AHSG: variants seen among roughly 807,000 people sequenced by gnomAD.
AHSG encodes alpha 2-HS glycoprotein, also known as alpha-2-HS-glycoprotein.
In AHSG, 23 loss-of-function variants were observed where a neutral mutation model predicts 30.1. The observed-to-expected ratio is 0.76, with a 90% confidence interval of 0.55 to 1.08. The LOEUF (loss-of-function observed/expected upper bound fraction) is 1.08, where lower values mean the gene tolerates loss of function less well. Ranked by LOEUF, AHSG falls within the 50% of genes least tolerant of loss-of-function variation. The probability of loss-of-function intolerance (pLI) is 0.00; values close to 1 mark genes in which losing one functional copy is unlikely to be tolerated. For missense variants in AHSG, 469 were observed against 459.5 expected, an observed-to-expected ratio of 1.02 and a Z score of -0.19; for synonymous variants, 164 against 186.3, an observed-to-expected ratio of 0.88 and a Z score of 0.98.
Position 186,617,210 on chromosome 3 carries a change from G to C in AHSG, c.433G>C (p.Val145Leu). 1 of 1,613,272 alleles carries C rather than the reference G, an allele frequency of 6.2e-7. No homozygotes were observed. Among genetic ancestry groups the C allele is most frequent in the Non-Finnish European group, 8.5e-7 (1 of 1,179,832 alleles). ...SPDSAEDVRK[V>L]CQDCPLLAPL... ...AGACTCAGCCGAGGACGTGCGCAAG[G>C]TGTGCCAAGACTGCCCCCTGCTGGC... The change falls in exon 4 of 7, where the codon GTG becomes CTG. Residue 145 changes from valine to leucine, a missense_variant. Val to Leu is a conservative substitution (Grantham distance 32). Coordinates refer to ENST00000411641, the MANE Select transcript of AHSG (RefSeq NM_001622.4).
intron 2 of AHSG, among the ~76,000 whole-genome samples, chr3:186,616,189 C>T (rs1028132719): frequency 2.0e-5 from 3 of 152,164 alleles, no homozygotes; most frequent in Non-Finnish European, 4.4e-5. Flanking sequence ...AACAGTGAAT[C>T]TCTATCTCGA....
intron 1 of AHSG, 125 bp downstream of exon 1, chr3:186,613,479 C>CTCACTCCTGGGA: frequency 1.1e-6 from 1 of 948,214 alleles, no homozygotes; most frequent in Non-Finnish European, 1.6e-6. Context: ...GATTTCTTCC[C>CTCACTCCTGGGA]AGGAGTGAGG....
chr3:186,619,793 A>G (rs974027886), intron 5 of AHSG, 64 bp from the exon 6 acceptor site: 5 of 1,365,634 alleles, frequency 3.7e-6, no homozygotes, highest in Non-Finnish European at 4.1e-6. Flanking sequence ...TTGGCGCGTC[A>G]ATGAAATTGG....
At chr3:186,620,437 T>G in intron 6 of AHSG, 149 bp from the exon 7 acceptor site, 1 of 713,188 alleles carries the variant, frequency 1.4e-6, no homozygotes, top group South Asian at 1.8e-5. Context: ...GACAATCCCT[T>G]GTACTTGGGT....
At chr3:186,618,170 T>C (rs113740045) in intron 4 of AHSG, among the ~76,000 whole-genome samples, 1,881 of 152,324 alleles carry the variant, frequency 0.012, 21 homozygotes, top group Middle Eastern at 0.031. Context: ...AACCTGAACC[T>C]TGGGTATCAA....
Position 186,616,446 on chromosome 3 carries a change from G to T in AHSG, c.328G>T (p.Val110Phe). The change falls in exon 3 of 7, where the codon GTC (valine) becomes TTC (phenylalanine). Residue 110 changes from valine to phenylalanine, a missense_variant. Physicochemically the swap from Val to Phe is conservative, Grantham distance 50 (BLOSUM62 -1). Coordinates refer to ENST00000411641, the MANE Select transcript of AHSG (RefSeq NM_001622.4). ...TCACGTGGGTTTCTTTCTCCAGGCT[G>T]TCGAAGGAGACTGTGATTTCCAGCT... ...CSVRQLKEHA[V>F]EGDCDFQLLK... The T allele has an allele frequency of 6.2e-7, 1 of 1,612,984 alleles. No homozygotes were observed. The highest frequency in any genetic ancestry group is 8.5e-7 in the Non-Finnish European group (1 of 1,179,486).
intron 2 of AHSG, 140 bp downstream of exon 2, chr3:186,615,935 C>T: frequency 1.4e-6 from 1 of 726,120 alleles, no homozygotes; most frequent in Non-Finnish European, 2.4e-6. Context: ...GTGGCTCATG[C>T]CTATAATCTC....
chr3:186,617,474 G>A (rs1317242916), intron 4 of AHSG, 124 bp downstream of exon 4: 2 of 1,542,314 alleles, frequency 1.3e-6, no homozygotes, highest in East Asian at 2.3e-5. Flanking sequence ...AGCAAGGAGA[G>A]GGTTGTTTGG....
rs200227581 is a variant in AHSG at position 186,619,306 on chromosome 3, A to G, written c.676-551A>G. Among the ~76,000 whole-genome samples the G allele has an allele frequency of 1.5e-4, 23 of 152,292 alleles. No homozygotes were observed. The East Asian group carries it at 4.4e-3, about 29-fold the overall frequency. Reference sequence around the variant, plus strand: ...AACGAGACTCTGTCTCAAGAAAAAAAGAAAAAGAAAAAGAATTCATCAGTG... The same window carrying G: ...AACGAGACTCTGTCTCAAGAAAAAAGGAAAAAGAAAAAGAATTCATCAGTG... On this transcript the variant is annotated intron_variant, in intron 5 of 6. Coordinates refer to ENST00000411641, the MANE Select transcript of AHSG (RefSeq NM_001622.4).
intron 5 of AHSG, among the ~76,000 whole-genome samples, chr3:186,619,070 G>A (rs1386138232): frequency 6.6e-6 from 1 of 152,200 alleles, no homozygotes; most frequent in Non-Finnish European, 1.5e-5. Context: ...GCCAAGACGG[G>A]TGGATCGGGA....
At chr3:186,619,111 A>G (rs1716399346) in intron 5 of AHSG, among the ~76,000 whole-genome samples, 1 of 152,114 alleles carries the variant, frequency 6.6e-6, no homozygotes, top group Non-Finnish European at 1.5e-5. Context: ...CCTGGCTAAC[A>G]TGGTGAAACC....
At chr3:186,620,051 C>A in intron 6 of AHSG, 111 bp downstream of exon 6, 2 of 728,478 alleles carry the variant, frequency 2.7e-6, no homozygotes, top group Non-Finnish European at 2.2e-6. Flanking sequence ...GCTTCTGAAT[C>A]TCACAGTATG....
intron 1 of AHSG, among the ~76,000 whole-genome samples, chr3:186,614,603 C>G (rs1026695562): frequency 2.2e-4 from 34 of 152,300 alleles, no homozygotes; most frequent in African/African-American, 7.2e-4. Context: ...GAAATGAACA[C>G]GCAACACGCA....
chr3:186,615,080 T>G (rs953417648), intron 1 of AHSG, among the ~76,000 whole-genome samples: 2 of 151,890 alleles, frequency 1.3e-5, no homozygotes, highest in Non-Finnish European at 2.9e-5. Flanking sequence ...TGCCGGCACC[T>G]GCTGCACAAG....
Position 186,613,115 on chromosome 3 carries a change from G to A in AHSG, c.-27G>A, listed in dbSNP as rs200490113. 183 of 1,611,732 alleles carry A rather than the reference G, an allele frequency of 1.1e-4. No homozygotes were observed. In the African/African-American group the frequency reaches 1.5e-3, roughly 13 times the overall value. On this transcript the variant is annotated 5_prime_UTR_variant, in exon 1 of 7. Coordinates refer to ENST00000411641, the MANE Select transcript of AHSG (RefSeq NM_001622.4). ...TCCCGAAGCCTCCAACCACCTGCAC[G>A]CCTGCCAGGGCCTCTCTGGGGCAGC...
rs372468778 is a variant in AHSG at position 186,620,768 on chromosome 3, C to T, written c.942C>T (p.Tyr314=). 8.2e-5 allele frequency: 132 copies of T among 1,614,102 alleles called. No homozygotes were observed. Among genetic ancestry groups the T allele is most frequent in the Non-Finnish European group, 9.9e-5 (117 of 1,180,052 alleles). The change falls in exon 7 of 7, where the codon TAC becomes TAT. Residue 314 remains tyrosine, a synonymous_variant. Transcript: ENST00000411641. The part of the protein sequence containing the change: ...PPGHQLHRAH[Y]DLRHTFMGVV... ...GACACCAGTTGCACCGGGCGCACTA[C>T]GACCTGCGCCACACCTTCATGGGTG...
chr3:186,613,895 G>A (rs939917031), intron 1 of AHSG, among the ~76,000 whole-genome samples: 4 of 151,588 alleles, frequency 2.6e-5, no homozygotes, highest in African/African-American at 9.7e-5. Context: ...GCTCTGTTGT[G>A]TGTGTGTGTG....
intron 1 of AHSG, among the ~76,000 whole-genome samples, chr3:186,613,821 G>A (rs1287974001): frequency 2.6e-5 from 4 of 151,982 alleles, no homozygotes; most frequent in Non-Finnish European, 4.4e-5. Flanking sequence ...ACTCTTTCCC[G>A]GTCCTGCCTC....
intron 2 of AHSG, 38 bp from the exon 3 acceptor site, chr3:186,616,405 G>A (rs956328700): frequency 3.2e-6 from 5 of 1,579,662 alleles, no homozygotes; most frequent in East Asian, 2.3e-5. Flanking sequence ...GGTGCGAAGG[G>A]GAAGGGCAGC....
Sources: allele counts gnomAD v4.1 joint callset (sites outside exome capture counted in the v4.1 genomes callset), GRCh38; gene constraint gnomAD v4.1.1; transcripts MANE v1.5; gene names NCBI Gene and HGNC (gene_info 2026-07-23, HGNC 2026-07-21).